Variants in OGFR observed in about 807,000 individuals in gnomAD.
OGFR encodes the protein protein 7-60.
OGFR carries 18 observed loss-of-function variants against 33.6 expected under a neutral mutation model. The observed-to-expected ratio is 0.54, with a 90% CI of 0.37 to 0.80. OGFR has a LOEUF of 0.80. Among genes scored for constraint, OGFR ranks in the 30% least tolerant of loss-of-function variants. OGFR has a pLI of 0.00. For missense variants in OGFR, 877 were observed against 955.8 expected, an observed-to-expected ratio of 0.92 and a Z score of 1.09; for synonymous variants, 370 against 400.7, an observed-to-expected ratio of 0.92 and a Z score of 0.91.
At chr20:62,810,405 G>A (rs1366416040) in intron 4 of OGFR, 94 bp from the exon 5 acceptor site, 1 of 1,229,882 alleles carries the variant, frequency 8.1e-7, no homozygotes, top group Non-Finnish European at 1.2e-6. Flanking sequence ...AACCCAGAGG[G>A]GATTGGAACT....
rs1458558127 is a variant in OGFR at position 62,810,538 on chromosome 20, C to A, written c.438C>A (p.Ala146=). ...PLREPGVNWH[A]KPLTLREVEV... Reference sequence around the variant, plus strand: ...GAGAACCAGGAGTGAACTGGCATGCCAAGCCCCTCACGCTCAGGGAGGTCG... The same window carrying A: ...GAGAACCAGGAGTGAACTGGCATGCAAAGCCCCTCACGCTCAGGGAGGTCG... Residue 146 remains alanine, a synonymous_variant, in exon 5 of 7, where the codon GCC becomes GCA. Transcript: ENST00000290291. 1.2e-6 allele frequency: 2 copies of A among 1,612,982 alleles called. No individual in the cohort carries two copies. Among genetic ancestry groups the A allele is most frequent in the South Asian group, 1.1e-5 (1 of 91,076 alleles).
Position 62,811,626 on chromosome 20 carries a change from T to TGCCCCCCCCCCCCCCCCCCCC in OGFR, c.614+16_614+17insGCCCCCCCCCCCCCCCCCCCC. 6.7e-7 allele frequency: 1 copy of TGCCCCCCCCCCCCCCCCCCCC among 1,502,528 alleles called. No individual in the cohort carries two copies. The highest frequency in any genetic ancestry group is 9.0e-7 in the Non-Finnish European group (1 of 1,110,116). 93.1% of individuals were successfully genotyped at this position (1,502,528 alleles called of 1,614,324 possible). The stretch of plus-strand genomic sequence containing the variant: ...ACCTGAACTGGTGAGGCCCGGCTGC[T>TGCCCCCCCCCCCCCCCCCCCC]CCCGCCCACCCCCACCCCGGCGCAG... On this transcript the variant is annotated intron_variant, in intron 6 of 6. Transcript: ENST00000290291.
chr20:62,809,651 C>G lies in OGFR; in HGVS notation c.386C>G (p.Ser129Cys). The G allele has an allele frequency of 6.2e-7, 1 of 1,610,874 alleles. No homozygotes were observed. Among genetic ancestry groups the G allele is most frequent in the Non-Finnish European group, 8.5e-7 (1 of 1,178,514 alleles). Residue 129 changes from serine (S) to cysteine (C), a missense_variant, in exon 4 of 7, where the codon TCC becomes TGC. This residue lies in a region of OGFR where 760 missense variants were observed against 736.0 expected (regional missense o/e 1.03). Transcript: ENST00000290291. ...TATGACCTCCTTGAGGACAATCACT[C>G]CTACATCCAGTGGTGAGTTGGGGAG... is the stretch of plus-strand genomic sequence containing the variant. ...DNYDLLEDNH[S>C]YIQWLFPLRE...
Position 62,812,676 on chromosome 20 carries a change from A to G in OGFR, c.1061A>G (p.Asp354Gly), listed in dbSNP as rs745679126. 1.9e-6 allele frequency: 3 copies of G among 1,568,746 alleles called. No individual in the cohort carries two copies. The highest frequency in any genetic ancestry group is 2.6e-6 in the Non-Finnish European group (3 of 1,157,372). Residue 354 changes from aspartate to glycine, a missense_variant, in exon 7 of 7, where the codon GAT becomes GGT. By Grantham distance (94) the Asp-to-Gly change is moderately conservative. Around this residue, in one of 3 missense-constraint regions of OGFR, gnomAD observed 760 missense variants for 736.0 expected, o/e 1.03. Coordinates refer to ENST00000290291, the MANE Select transcript of OGFR (RefSeq NM_007346.4). ...CAGCCACGGAGCGTGGAGCCCCAGG[A>G]TGCGGGACCCCTGGAGAGGAGCCAG... ...GPQPRSVEPQ[D>G]AGPLERSQGD...
intron 1 of OGFR, chr20:62,806,355 C>T (rs1366206248): frequency 6.6e-6 from 1 of 152,210 alleles, no homozygotes; most frequent in African/African-American, 2.4e-5. Flanking sequence ...TTAGCCTGGC[C>T]AACATGGTGA....
Position 62,812,428 on chromosome 20 carries a change from GCAC to G in OGFR, c.814_816del (p.His272del). The stretch of plus-strand genomic sequence containing the variant: ...GCCGACACCAGCGCCGCCAGCTGGT[GCAC>G]TTCGCCTGGGAGCACTTCCGGCCCC... On this transcript the variant is annotated inframe_deletion, in exon 7 of 7. Transcript: ENST00000290291. The G allele has an allele frequency of 6.3e-7, 1 of 1,579,920 alleles. No homozygotes were observed. The highest frequency in any genetic ancestry group is 1.8e-5 in the Admixed American group (1 of 55,434).
chr20:62,810,711 C>G (rs1418414449), intron 5 of OGFR, 146 bp downstream of exon 5: 4 of 658,286 alleles, frequency 6.1e-6, no homozygotes, highest in African/African-American at 5.4e-5. Flanking sequence ...GAAAGAGCCT[C>G]CAGTATGATG....
chr20:62,813,455 C>A lies in OGFR; in HGVS notation c.1840C>A (p.Pro614Thr). The A allele has an allele frequency of 7.0e-7, 1 of 1,433,158 alleles. No individual in the cohort carries two copies. The highest frequency in any genetic ancestry group is 1.3e-5 in the South Asian group (1 of 77,196). The allele number at this position is 1,433,158 out of a possible 1,614,324, so 88.8% of individuals were successfully genotyped here. A position where few individuals can be genotyped will look rare whatever the true frequency, so the allele number is the denominator to read the frequency against. ...PRPAGPAGDE[P>T]AESPSETPGP... ...CCCGGCAGGACCTGCAGGGGACGAG[C>A]CAGCCGAGAGCCCATCGGAGACCCC... Residue 614 changes from proline (P) to threonine (T), a missense_variant, in exon 7 of 7, where the codon CCA becomes ACA. Physicochemically the swap from Pro to Thr is conservative, Grantham distance 38. This residue lies in a region of OGFR where 72 missense variants were observed against 181.8 expected (regional missense o/e 0.40). Transcript: ENST00000290291.
intron 3 of OGFR, among the ~76,000 whole-genome samples, chr20:62,808,610 C>T (rs1028036613): frequency 6.6e-6 from 1 of 152,202 alleles, no homozygotes; most frequent in African/African-American, 2.4e-5. Flanking sequence ...AACTCCTGCA[C>T]GACCTCATGA....
chr20:62,809,081 A>G (rs1008399194), intron 3 of OGFR, among the ~76,000 whole-genome samples: 4 of 151,476 alleles, frequency 2.6e-5, no homozygotes, highest in Non-Finnish European at 4.4e-5. Context: ...ACGTGCCCAC[A>G]CCTGTTTATG....
intron 5 of OGFR, among the ~76,000 whole-genome samples, chr20:62,811,090 C>T (rs1018443239): frequency 1.1e-4 from 16 of 152,178 alleles, no homozygotes; most frequent in African/African-American, 3.1e-4. Flanking sequence ...GGCTAGGTGC[C>T]GTGGCTCACG....
intron 5 of OGFR, among the ~76,000 whole-genome samples, chr20:62,810,847 T>A (rs1990713119): frequency 1.3e-5 from 2 of 152,242 alleles, no homozygotes. Context: ...GGGACCTGCC[T>A]TTCTCACCAC....
chr20:62,806,553 A>G (rs991887266), intron 1 of OGFR: 1 of 152,032 alleles, frequency 6.6e-6, no homozygotes, highest in Non-Finnish European at 1.5e-5. Context: ...GATTGCATGA[A>G]GCTCCATCTC....
At chr20:62,807,779 C>T (rs1407432279) in intron 2 of OGFR, 174 bp downstream of exon 2, 4 of 655,914 alleles carry the variant, frequency 6.1e-6, no homozygotes, top group Non-Finnish European at 1.1e-5. Context: ...CCTGCCCTTC[C>T]CCTCTCGCGG....
Position 62,812,483 on chromosome 20 carries a change from G to A in OGFR, c.868G>A (p.Asp290Asn). ...PRCKFVWGPQ[D>N]KLRRFKPSSL... Reference sequence around the variant, plus strand: ...CTGCAAGTTCGTCTGGGGGCCCCAAGACAAGCTGCGGAGGTTCAAGCCCAG... The same window carrying A: ...CTGCAAGTTCGTCTGGGGGCCCCAAAACAAGCTGCGGAGGTTCAAGCCCAG... Residue 290 changes from aspartate to asparagine, a missense_variant, in exon 7 of 7, where the codon GAC becomes AAC. Around this residue, in one of 3 missense-constraint regions of OGFR, gnomAD observed 760 missense variants for 736.0 expected, o/e 1.03. Transcript: ENST00000290291. 1 of 1,579,066 alleles carries A rather than the reference G, an allele frequency of 6.3e-7. No homozygotes were observed. Among genetic ancestry groups the A allele is most frequent in the Non-Finnish European group, 8.6e-7 (1 of 1,162,894 alleles).
At chr20:62,809,077 C>T (rs369904392) in intron 3 of OGFR, among the ~76,000 whole-genome samples, 29 of 152,154 alleles carry the variant, frequency 1.9e-4, no homozygotes, top group African/African-American at 7.0e-4. Flanking sequence ...GGGCACGTGC[C>T]CACACCTGTT....
chr20:62,807,307 C>G (rs1349733137), intron 1 of OGFR: 2 of 571,788 alleles, frequency 3.5e-6, no homozygotes, highest in Non-Finnish European at 6.2e-6. Flanking sequence ...TACCGCAGCC[C>G]TCTCTGGTTC....
rs919445986 is a variant in OGFR at position 62,804,926 on chromosome 20, G to A, written c.67G>A (p.Glu23Lys). 1.4e-5 allele frequency: 21 copies of A among 1,495,038 alleles called. No homozygotes were observed. The highest frequency in any genetic ancestry group is 1.3e-4 in the Admixed American group (6 of 44,684). 92.6% of individuals were successfully genotyped at this position (1,495,038 alleles called of 1,614,324 possible). A position where few individuals can be genotyped will look rare whatever the true frequency, so the allele number is the denominator to read the frequency against. Residue 23 changes from glutamate (E) to lysine (K), a missense_variant, in exon 1 of 7, where the codon GAG becomes AAG. Physicochemically the swap from Glu to Lys is moderately conservative, Grantham distance 56. Coordinates refer to ENST00000290291, the MANE Select transcript of OGFR (RefSeq NM_007346.4). ...GGAGGATGCGGAGGACGCGGAGGAC[G>A]AGGACTGCGAGGACGGCGAGGCCGC... ...DEEDAEDAEDEDCEDGEAAGA... is the reference protein window; with the variant it reads ...DEEDAEDAEDKDCEDGEAAGA...
rs745683159 is a variant in OGFR at position 62,813,717 on chromosome 20, G to A, written c.*68G>A. 6.4e-7 allele frequency: 1 copy of A among 1,562,424 alleles called. No homozygotes were observed. The highest frequency in any genetic ancestry group is 1.1e-5 in the South Asian group (1 of 89,102). On this transcript the variant is annotated 3_prime_UTR_variant, in exon 7 of 7. Transcript: ENST00000290291. Reference sequence around the variant, plus strand: ...TGCAGGGGCTGGGGCCTCCGGAGCTGCTGCGGGCTCCCCTCAGGCTCTGCT... The same window carrying A: ...TGCAGGGGCTGGGGCCTCCGGAGCTACTGCGGGCTCCCCTCAGGCTCTGCT...
Sources: gnomAD v4.1 joint callset for allele counts (sites outside exome capture counted in the v4.1 genomes callset) on GRCh38, gnomAD v4.1.1 for gene constraint, gnomAD v4.1.1 regional missense constraint, MANE v1.5 for transcripts, NCBI Gene and HGNC (gene_info 2026-07-23, HGNC 2026-07-21) for gene names.